The following CACNA1C variants were observed in gnomAD, a reference collection of about 807,000 sequenced individuals.
The protein encoded by CACNA1C is calcium voltage-gated channel subunit alpha1 C, also known as voltage-dependent L-type calcium channel subunit alpha-1C.
CACNA1C carries 30 observed loss-of-function variants against 229.0 expected under a neutral mutation model. That is an observed-to-expected ratio of 0.13 (90% CI 0.10 to 0.18). CACNA1C has a LOEUF of 0.18. CACNA1C is among the 10% of genes least tolerant of loss of function. CACNA1C has a pLI of 1.00. For missense variants in CACNA1C, 1,658 were observed against 2,845.0 expected, an observed-to-expected ratio of 0.58 and a Z score of 9.49; for synonymous variants, 1,114 against 1,132.5, an observed-to-expected ratio of 0.98 and a Z score of 0.33.
intron 5 of CACNA1C, among the ~76,000 whole-genome samples, chr12:2,464,201 G>C (rs778924934): frequency 6.6e-6 from 1 of 152,130 alleles, no homozygotes; most frequent in Non-Finnish European, 1.5e-5. Context: ...TCACCTTTCT[G>C]TAAGACCAGC....
At chr12:2,461,018 G>A (rs535636845) in intron 5 of CACNA1C, among the ~76,000 whole-genome samples, 58 of 152,280 alleles carry the variant, frequency 3.8e-4, no homozygotes, top group African/African-American at 1.2e-3. Flanking sequence ...AAATGCCTCC[G>A]TCTTCTACTT....
intron 3 of CACNA1C, among the ~76,000 whole-genome samples, chr12:2,124,734 G>A (rs890507016): frequency 4.6e-5 from 7 of 152,134 alleles, no homozygotes; most frequent in Admixed American, 6.5e-5. Context: ...CATGGGTGGC[G>A]GAGAGAGCTG....
intron 5 of CACNA1C, among the ~76,000 whole-genome samples, chr12:2,483,709 C>T (rs932514827): frequency 6.6e-6 from 1 of 152,134 alleles, no homozygotes; most frequent in Non-Finnish European, 1.5e-5. Context: ...AGGTGAGTGG[C>T]GTGACCCCCA....
At chr12:2,261,404 C>T (rs949777644) in intron 3 of CACNA1C, among the ~76,000 whole-genome samples, 3 of 152,186 alleles carry the variant, frequency 2.0e-5, no homozygotes, top group Non-Finnish European at 2.9e-5. Context: ...CTCATATCTG[C>T]TCTGTCATTC....
intron 1 of CACNA1C, among the ~76,000 whole-genome samples, chr12:2,064,383 G>C (rs1358399600): frequency 6.6e-6 from 1 of 152,180 alleles, no homozygotes; most frequent in Admixed American, 6.5e-5. Flanking sequence ...GGGAGAGGGT[G>C]GCTCCCCTCA....
At chr12:2,351,849 CCGTG>C (rs1339103671) in intron 3 of CACNA1C, among the ~76,000 whole-genome samples, 1 of 152,178 alleles carries the variant, frequency 6.6e-6, no homozygotes, top group Non-Finnish European at 1.5e-5. Flanking sequence ...CTTCTGCACA[CCGTG>C]GGTCTGGAAA....
intron 3 of CACNA1C, among the ~76,000 whole-genome samples, chr12:2,382,263 A>G (rs1205560500): frequency 1.3e-5 from 2 of 152,240 alleles, no homozygotes; most frequent in African/African-American, 2.4e-5. Flanking sequence ...GATGGTTGCA[A>G]ATATCTCAAA....
intron 13 of CACNA1C, among the ~76,000 whole-genome samples, chr12:2,580,550 G>A (rs2060124964): frequency 6.6e-6 from 1 of 152,228 alleles, no homozygotes; most frequent in Non-Finnish European, 1.5e-5. Context: ...TGCTCCCTCA[G>A]GGCCATGTCC....
chr12:2,000,755 G>A (rs541512464), intron 1 of CACNA1C, among the ~76,000 whole-genome samples: 1 of 152,294 alleles, frequency 6.6e-6, no homozygotes, highest in East Asian at 1.9e-4. Flanking sequence ...GAGATAACCA[G>A]GCCGGGCACA....
intron 3 of CACNA1C, among the ~76,000 whole-genome samples, chr12:2,200,476 G>A (rs1411687594): frequency 6.6e-6 from 1 of 152,156 alleles, no homozygotes; most frequent in Non-Finnish European, 1.5e-5. Context: ...TAAACATCCT[G>A]CCATGCACAG....
intron 1 of CACNA1C, among the ~76,000 whole-genome samples, chr12:2,027,536 C>T (rs2470418): frequency 0.051 from 7,705 of 152,250 alleles, 652 homozygotes; most frequent in African/African-American, 0.17. Context: ...CTGCCTTGAA[C>T]ACTGCATCAT....
chr12:2,128,973 G>A (rs956643897), intron 3 of CACNA1C, among the ~76,000 whole-genome samples: 3 of 152,168 alleles, frequency 2.0e-5, no homozygotes, highest in Admixed American at 6.5e-5. Flanking sequence ...GGCATCTCCC[G>A]GTCTGTGTTC....
chr12:2,167,164 G>T (rs2096273924), intron 3 of CACNA1C, among the ~76,000 whole-genome samples: 2 of 152,208 alleles, frequency 1.3e-5, no homozygotes, highest in African/African-American at 4.8e-5. Context: ...AAGGAAGCAG[G>T]TAAGTAACTA....
rs887204559 is a variant in CACNA1C, at chr12:2,649,356, AC to A, written c.3945+851del. Among the ~76,000 whole-genome samples, 3 of 152,220 alleles carry A rather than the reference AC, an allele frequency of 2.0e-5. No individual in the cohort carries two copies. Among genetic ancestry groups the A allele is most frequent in the African/African-American group, 7.2e-5 (3 of 41,462 alleles). ...ACCAGTGGGGTTGATTGACCAAGCC[AC>A]CAAGTCTGCAGGCCGAGGCAAGCTT... On this transcript the variant is annotated intron_variant, in intron 31 of 46. Transcript: ENST00000399655. The surrounding 1 kb of genome is among the most constrained non-coding windows in gnomAD (Gnocchi z 4.4).
chr12:2,208,713 T>C (rs771073535), intron 3 of CACNA1C, among the ~76,000 whole-genome samples: 9 of 152,252 alleles, frequency 5.9e-5, no homozygotes, highest in Non-Finnish European at 1.2e-4. Flanking sequence ...TCAGCCCAAA[T>C]TGGACCCCAG....
chr12:2,328,267 C>T (rs1272397040), intron 3 of CACNA1C, among the ~76,000 whole-genome samples: 1 of 152,174 alleles, frequency 6.6e-6, no homozygotes, highest in African/African-American at 2.4e-5. Context: ...GCAGAACCTC[C>T]CTGGGGATAC....
chr12:2,199,206 C>G (rs568801215), intron 3 of CACNA1C, among the ~76,000 whole-genome samples: 2 of 152,282 alleles, frequency 1.3e-5, no homozygotes, highest in African/African-American at 4.8e-5. Context: ...GAGGGCCACT[C>G]TTGTTCTGGC....
intron 13 of CACNA1C, among the ~76,000 whole-genome samples, chr12:2,568,939 A>G (rs758708499): frequency 6.6e-6 from 1 of 152,216 alleles, no homozygotes; most frequent in Non-Finnish European, 1.5e-5. Flanking sequence ...ATTGGAAGAA[A>G]TCTTCCAGAA....
intron 3 of CACNA1C, among the ~76,000 whole-genome samples, chr12:2,127,183 T>C (rs192319613): frequency 2.6e-4 from 39 of 152,188 alleles, no homozygotes; most frequent in Admixed American, 2.0e-3. Context: ...CAGCCTGAGG[T>C]TCCCCCATTC....
Sources: gnomAD v4.1 joint callset for allele counts (sites outside exome capture counted in the v4.1 genomes callset) on GRCh38, gnomAD v4.1.1 for gene constraint, Gnocchi (gnomAD v3.1) non-coding constraint, MANE v1.5 for transcripts, NCBI Gene and HGNC (gene_info 2026-07-23, HGNC 2026-07-21) for gene names.